Variants in POLE observed in about 807,000 individuals in gnomAD.
POLE encodes DNA polymerase epsilon catalytic subunit A.
POLE carries 188 observed loss-of-function variants against 279.2 expected under a neutral mutation model. The observed-to-expected ratio is 0.67, with a 90% CI of 0.60 to 0.76. The LOEUF is 0.76. Ranked by LOEUF, POLE falls within the 30% of genes least tolerant of loss-of-function variation. The pLI is 0.00. For missense variants in POLE, 2,703 were observed against 3,016.7 expected, an observed-to-expected ratio of 0.90 and a Z score of 2.44; for synonymous variants, 1,214 against 1,172.5, an observed-to-expected ratio of 1.04 and a Z score of -0.72.
At position 132,639,253 on chromosome 12, in the gene POLE, CT is replaced by C. The variant is rs1565933220; in HGVS notation, c.5423del (p.Gln1808ArgfsTer11). ...GGTTGTCTGCATAGATGTTGTGGTA[CT>C]GGGTGATCTCCTTCACCCAGCCCAC... ...MVVGWVKEIT[Q>X]YHNIYADNQV... On this transcript the variant is annotated frameshift_variant, in exon 40 of 49. Transcript: ENST00000320574. LOFTEE classifies it high-confidence loss of function. This position sits in a 1 kb window ranked among gnomAD's most constrained non-coding sequence, Gnocchi z 4.7. 6.2e-7 allele frequency: 1 copy of C among 1,614,148 alleles called. No homozygotes were observed. The highest frequency in any genetic ancestry group is 8.5e-7 in the Non-Finnish European group (1 of 1,180,008).
At position 132,668,107 on chromosome 12, in the gene POLE, C is replaced by T. The variant is rs2042837110; in HGVS notation, c.2173+249G>A. On this transcript the variant is annotated intron_variant, in intron 19 of 48. Coordinates refer to ENST00000320574, the MANE Select transcript of POLE (RefSeq NM_006231.4). The surrounding 1 kb of genome is among the most constrained non-coding windows in gnomAD (Gnocchi z 4.0). ...CAAAAAAAAAAAGAAAGAAATAGGA[C>T]AGCCCAGGGGTAGGAACAGGCCAAA... Among the ~76,000 whole-genome samples, 1 of 151,842 alleles carries T rather than the reference C, an allele frequency of 6.6e-6. No homozygotes were observed. The highest frequency in any genetic ancestry group is 6.6e-5 in the Admixed American group (1 of 15,228).
intron 12 of POLE, among the ~76,000 whole-genome samples, chr12:132,674,795 C>G (rs1024938030): frequency 1.3e-5 from 2 of 152,060 alleles, no homozygotes; most frequent in African/African-American, 4.8e-5. Flanking sequence ...AATACAGAGG[C>G]CGTGGAGGCC....
chr12:132,641,232 C>T (rs1270182186), intron 39 of POLE: 1 of 374,100 alleles, frequency 2.7e-6, no homozygotes, highest in Non-Finnish European at 5.3e-6. Flanking sequence ...CAACCATGCT[C>T]TCCGCAGACT....
chr12:132,648,690 C>A, intron 32 of POLE: 1 of 446,586 alleles, frequency 2.2e-6, no homozygotes, highest in African/African-American at 2.0e-5. Flanking sequence ...TGGTTTGTCC[C>A]CGCAACATGG....
chr12:132,640,867 T>C lies in POLE; in HGVS notation c.5378+780A>G, dbSNP rs1222182597. On this transcript the variant is annotated intron_variant, in intron 39 of 48. Coordinates refer to ENST00000320574, the MANE Select transcript of POLE (RefSeq NM_006231.4). The stretch of plus-strand genomic sequence containing the variant: ...TCTCTGCCAAGACCCTGCTCCCGGC[T>C]CCCAACTGCCTCCCTGCCTCTTTCC... The C allele has an allele frequency of 7.4e-6, 3 of 408,028 alleles. No homozygotes were observed. The East Asian group carries it at 2.2e-4, about 30-fold the overall frequency. 25.3% of individuals were successfully genotyped at this position (408,028 alleles called of 1,614,324 possible).
chr12:132,672,483 G>A (rs1047396737), intron 15 of POLE, 144 bp downstream of exon 15: 2 of 1,057,260 alleles, frequency 1.9e-6, no homozygotes, highest in Admixed American at 4.1e-5. Flanking sequence ...AAGCCCCCGG[G>A]GGGTGCTGGG....
rs1555225676 is a variant in POLE at position 132,659,431 on chromosome 12, C to T, written c.3139G>A (p.Gly1047Arg). 4 of 1,614,236 alleles carry T rather than the reference C, an allele frequency of 2.5e-6. No homozygotes were observed. The highest frequency in any genetic ancestry group is 1.1e-5 in the South Asian group (1 of 91,078). Residue 1047 changes from glycine (G) to arginine (R), a missense_variant, in exon 26 of 49, where the codon GGG becomes AGG. Physicochemically the swap from Gly to Arg is moderately radical, Grantham distance 125. Transcript: ENST00000320574. ...CTGATGGACGTAGACTTCTGCTCCC[C>T]GTAATCTTCCAGCTTCCGAGACATG... ...RSMSRKLEDY[G>R]EQKSTSISTA...
chr12:132,675,539 C>A lies in POLE; in HGVS notation c.1107-22G>T. 1 of 1,613,488 alleles carries A rather than the reference C, an allele frequency of 6.2e-7. No individual in the cohort carries two copies. The highest frequency in any genetic ancestry group is 8.5e-7 in the Non-Finnish European group (1 of 1,179,780). On this transcript the variant is annotated intron_variant, in intron 11 of 48. Transcript: ENST00000320574. This position sits in a 1 kb window ranked among gnomAD's most constrained non-coding sequence, Gnocchi z 4.3. The stretch of plus-strand genomic sequence containing the variant: ...TGGCCTGGGTTGGAAAGAGGACAGA[C>A]AAGCAAGTGGGCAGGTCAGGCTCTA...
chr12:132,662,644 C>T (rs2042704879), intron 23 of POLE, among the ~76,000 whole-genome samples: 1 of 152,188 alleles, frequency 6.6e-6, no homozygotes, highest in African/African-American at 2.4e-5. Context: ...CATCATTCTT[C>T]TCGGAGAACT....
intron 46 of POLE, 131 bp downstream of exon 46, chr12:132,625,986 T>C (rs2041830506): frequency 1.8e-6 from 2 of 1,124,668 alleles, no homozygotes; most frequent in Non-Finnish European, 2.5e-6. Context: ...AGGGGCCTGT[T>C]GCCAATCCAT....
At chr12:132,652,753 G>A (rs1448248691) in intron 29 of POLE, among the ~76,000 whole-genome samples, 1 of 152,118 alleles carries the variant, frequency 6.6e-6, no homozygotes, top group Non-Finnish European at 1.5e-5. Context: ...GACTAACAGG[G>A]GAGTCTGTTT....
chr12:132,659,049 G>A (rs2042617153), intron 26 of POLE, among the ~76,000 whole-genome samples: 1 of 152,116 alleles, frequency 6.6e-6, no homozygotes, highest in Non-Finnish European at 1.5e-5. Flanking sequence ...TTTGAACTCT[G>A]GTATAGTGTA....
At position 132,681,232 on chromosome 12, in the gene POLE, C is replaced by T. The variant is rs377002290; in HGVS notation, c.110G>A (p.Arg37Gln). Residue 37 changes from arginine (R) to glutamine (Q), a missense_variant, in exon 2 of 49, where the codon CGG becomes CAG. Physicochemically the swap from Arg to Gln is conservative, Grantham distance 43 (BLOSUM62 1). Coordinates refer to ENST00000320574, the MANE Select transcript of POLE (RefSeq NM_006231.4). ...ATCCATCTTATCCGTCCACTGACTC[C>T]GTTCCAGGCGCTTGAGTGCCGAAAC... Reference protein sequence around the residue: ...SSVSALKRLERSQWTDKMDLR... With the variant: ...SSVSALKRLEQSQWTDKMDLR... The T allele has an allele frequency of 1.3e-5, 21 of 1,614,096 alleles. No individual in the cohort carries two copies. The highest frequency in any genetic ancestry group is 4.4e-5 in the South Asian group (4 of 91,084).
rs754086131 is a variant in POLE, at chr12:132,642,245, T to C, written c.5105A>G (p.Asn1702Ser). The C allele has an allele frequency of 1.2e-6, 2 of 1,611,280 alleles. No individual in the cohort carries two copies. The highest frequency in any genetic ancestry group is 2.2e-5 in the South Asian group (2 of 90,548). ...PDLGGKEADDNCLVMEFDDQA... is the reference protein window; with the variant it reads ...PDLGGKEADDSCLVMEFDDQA... ...GTCATCGAACTCCATGACAAGACAG[T>C]TGTCATCAGCCTCCTTTCCACCCAG... Residue 1702 changes from asparagine to serine, a missense_variant, in exon 38 of 49, where the codon AAC becomes AGC. Asn to Ser is a conservative substitution (Grantham distance 46). Transcript: ENST00000320574.
At chr12:132,677,517 T>C in intron 7 of POLE, 61 bp downstream of exon 7, 2 of 1,611,498 alleles carry the variant, frequency 1.2e-6, no homozygotes, top group East Asian at 2.2e-5. Context: ...TCACCCATAA[T>C]GATCATCTCC....
intron 29 of POLE, among the ~76,000 whole-genome samples, chr12:132,656,420 G>A (rs879758189): frequency 2.2e-4 from 33 of 151,462 alleles, no homozygotes; most frequent in African/African-American, 3.2e-4. Context: ...GTGCAGTGGC[G>A]TGATCTCGGC....
rs1435839842 is a variant in POLE, at chr12:132,664,165, G to A, written c.2562-17C>T. 2 of 1,612,968 alleles carry A rather than the reference G, an allele frequency of 1.2e-6. No individual in the cohort carries two copies. Among genetic ancestry groups the A allele is most frequent in the Non-Finnish European group, 8.5e-7 (1 of 1,179,790 alleles). On this transcript the variant is annotated splice_polypyrimidine_tract_variant and intron_variant, in intron 22 of 48. Coordinates refer to ENST00000320574, the MANE Select transcript of POLE (RefSeq NM_006231.4). This position sits in a 1 kb window ranked among gnomAD's most constrained non-coding sequence, Gnocchi z 5.3. ...AAGGGCCTCCTTCAGAGAAAGAGAG[G>A]AGCAAGGTCGTGAGTTCCCCTTTCC...
intron 6 of POLE, among the ~76,000 whole-genome samples, chr12:132,678,803 G>A (rs1042365214): frequency 6.6e-6 from 1 of 152,130 alleles, no homozygotes; most frequent in Non-Finnish European, 1.5e-5. Flanking sequence ...AATACTGAAC[G>A]GGCTATTCAG....
At chr12:132,635,167 C>T (rs5744999) in intron 42 of POLE, among the ~76,000 whole-genome samples, 77,589 of 151,924 alleles carry the variant, frequency 0.51, 20,596 homozygotes, top group East Asian at 0.7. Flanking sequence ...TGACCACCCA[C>T]GTCTCAACCT....
Sources: gnomAD v4.1 joint callset for allele counts (sites outside exome capture counted in the v4.1 genomes callset) on GRCh38, gnomAD v4.1.1 for gene constraint, Gnocchi (gnomAD v3.1) non-coding constraint, MANE v1.5 for transcripts, NCBI Gene and HGNC (gene_info 2026-07-23, HGNC 2026-07-21) for gene names.